DTD1: variants seen among roughly 807,000 people sequenced by gnomAD.
DTD1 encodes the protein D-tyrosyl-tRNA deacylase 1 homolog.
In DTD1, 13 loss-of-function variants were observed where a neutral mutation model predicts 25.6. That is an observed-to-expected ratio of 0.51 (90% CI 0.33 to 0.81). The LOEUF (loss-of-function observed/expected upper bound fraction) is 0.81. Ranked by LOEUF, DTD1 falls within the 30% of genes least tolerant of loss-of-function variation. DTD1 has a pLI of 0.02. For synonymous variants in DTD1, 110 were observed against 103.6 expected (o/e 1.06, Z -0.37); for missense variants, 193 against 266.4 (o/e 0.72, Z 1.92).
intron 5 of DTD1, among the ~76,000 whole-genome samples, chr20:18,759,631 T>C (rs1396140731): frequency 5.3e-5 from 8 of 152,234 alleles, no homozygotes; most frequent in African/African-American, 1.9e-4. Context: ...CTTCCCTTTG[T>C]GGGTAACCCA....
intron 4 of DTD1, among the ~76,000 whole-genome samples, chr20:18,723,140 T>C (rs1310249744): frequency 1.3e-5 from 2 of 152,212 alleles, no homozygotes. Context: ...GGGGCTGTCC[T>C]GTGCGTTGTT....
intron 4 of DTD1, among the ~76,000 whole-genome samples, chr20:18,728,317 GA>G (rs1170250602): frequency 1.3e-5 from 2 of 152,352 alleles, no homozygotes; most frequent in East Asian, 3.9e-4. Flanking sequence ...CTGGCTGGGG[GA>G]TGGGAGTCAG....
Position 18,606,371 on chromosome 20 carries a change from G to A in DTD1, c.370+10130G>A, listed in dbSNP as rs1183032056. 4.4e-5 allele frequency among the ~76,000 whole-genome samples: 6 copies of A among 135,548 alleles called. 1 individual carries two copies. The highest frequency in any genetic ancestry group is 1.7e-4 in the African/African-American group (6 of 36,258). The allele number at this position is 135,548 out of a possible 152,430, so 88.9% of individuals were successfully genotyped here. On this transcript the variant is annotated intron_variant, in intron 3 of 5. Transcript: ENST00000377452. Reference sequence around the variant, plus strand: ...CAACCGTTGTGGAAGTCAGTGTGGCGATTCCTCAGGGATCTAGAACTAGAA... The same window carrying A: ...CAACCGTTGTGGAAGTCAGTGTGGCAATTCCTCAGGGATCTAGAACTAGAA...
chr20:18,687,610 A>T (rs775281444), intron 4 of DTD1, among the ~76,000 whole-genome samples: 9 of 152,102 alleles, frequency 5.9e-5, no homozygotes, highest in Non-Finnish European at 1.0e-4. Flanking sequence ...GCTGGAGTAC[A>T]ATGGCATAAG....
At chr20:18,595,978 T>TTGTG in intron 2 of DTD1, 28 bp from the exon 3 acceptor site, 1 of 1,599,128 alleles carries the variant, frequency 6.3e-7, no homozygotes, top group Non-Finnish European at 8.6e-7. Flanking sequence ...ATCTCTCAGG[T>TTGTG]AGCTCTCACT....
chr20:18,617,817 T>TA (rs943215627), intron 3 of DTD1, among the ~76,000 whole-genome samples: 2 of 151,718 alleles, frequency 1.3e-5, no homozygotes, highest in African/African-American at 4.8e-5. Flanking sequence ...ATCTTGGCTT[T>TA]AAAAAAAAAT....
In DTD1 at chr20:18,711,945, T is replaced by C. The variant is rs968229620; in HGVS notation, c.478-32155T>C. On this transcript the variant is annotated intron_variant, in intron 4 of 5. Transcript: ENST00000377452. Reference sequence around the variant, plus strand: ...TGCCGGGGGTCGGGGGGCACGTGCCTGTAATCCCAGCTACATGGGAGGCTG... The same window carrying C: ...TGCCGGGGGTCGGGGGGCACGTGCCCGTAATCCCAGCTACATGGGAGGCTG... 2.6e-5 allele frequency among the ~76,000 whole-genome samples: 4 copies of C among 151,886 alleles called. No homozygotes were observed. In the East Asian group the frequency reaches 7.9e-4, roughly 30 times the overall value.
At chr20:18,670,833 G>A (rs537365222) in intron 4 of DTD1, among the ~76,000 whole-genome samples, 2 of 152,308 alleles carry the variant, frequency 1.3e-5, no homozygotes, top group East Asian at 3.9e-4. Flanking sequence ...TGAAAACATT[G>A]TCATCATCAT....
At chr20:18,705,961 G>A (rs2061124899) in intron 4 of DTD1, among the ~76,000 whole-genome samples, 1 of 152,178 alleles carries the variant, frequency 6.6e-6, no homozygotes, top group Non-Finnish European at 1.5e-5. Flanking sequence ...GACTGATCAA[G>A]CCTTTAGCTA....
intron 4 of DTD1, among the ~76,000 whole-genome samples, chr20:18,738,337 T>C (rs1358990475): frequency 6.6e-6 from 1 of 152,124 alleles, no homozygotes; most frequent in African/African-American, 2.4e-5. Context: ...TCCATGGGCA[T>C]GTGGTGTAAG....
chr20:18,632,296 C>T, intron 4 of DTD1: 1 of 985,452 alleles, frequency 1.0e-6, no homozygotes, highest in South Asian at 4.7e-5. Context: ...CACAAATTGT[C>T]TTGCATCAAC....
intron 4 of DTD1, among the ~76,000 whole-genome samples, chr20:18,740,366 T>A (rs1479381812): frequency 6.6e-6 from 1 of 152,284 alleles, no homozygotes; most frequent in East Asian, 1.9e-4. Flanking sequence ...GAAACAAAAC[T>A]GAGAGGGCAT....
chr20:18,668,077 C>T (rs1485067378), intron 4 of DTD1, among the ~76,000 whole-genome samples: 2 of 152,208 alleles, frequency 1.3e-5, no homozygotes, highest in African/African-American at 4.8e-5. Context: ...TTTAACATAG[C>T]TTCCTGAAGG....
chr20:18,599,287 G>C (rs930304941), intron 3 of DTD1, among the ~76,000 whole-genome samples: 49 of 152,080 alleles, frequency 3.2e-4, no homozygotes, highest in Non-Finnish European at 2.9e-5. Flanking sequence ...CGATTCTCCT[G>C]CCTCAGCCTT....
At chr20:18,588,646 C>G (rs2060576127) in intron 1 of DTD1, 2 of 756,670 alleles carry the variant, frequency 2.6e-6, no homozygotes, top group Non-Finnish European at 3.2e-6. Flanking sequence ...CGTGCACGTA[C>G]GTGACTGGAG....
At chr20:18,708,309 T>TTA (rs1334556375) in intron 4 of DTD1, among the ~76,000 whole-genome samples, 4 of 44,112 alleles carry the variant, frequency 9.1e-5, no homozygotes, top group Non-Finnish European at 1.3e-4. Flanking sequence ...TATATATATT[T>TTA]TATATATATA....
chr20:18,655,012 A>G (rs1434557131), intron 4 of DTD1, among the ~76,000 whole-genome samples: 1 of 152,204 alleles, frequency 6.6e-6, no homozygotes, highest in Admixed American at 6.5e-5. Context: ...ATGCTTATGT[A>G]TTTCATTTTA....
intron 4 of DTD1, among the ~76,000 whole-genome samples, chr20:18,649,917 C>T (rs192566238): frequency 2.8e-3 from 422 of 152,270 alleles, no homozygotes; most frequent in Non-Finnish European, 4.2e-3. Flanking sequence ...AACACACATT[C>T]GAAGGTAAAA....
At chr20:18,666,634 C>T (rs2060932387) in intron 4 of DTD1, among the ~76,000 whole-genome samples, 1 of 152,018 alleles carries the variant, frequency 6.6e-6, no homozygotes, top group African/African-American at 2.4e-5. Context: ...TGTCTCTTTC[C>T]CTTGATGTTT....
Sources: gnomAD v4.1 joint callset for allele counts (sites outside exome capture counted in the v4.1 genomes callset) on GRCh38, gnomAD v4.1.1 for gene constraint, MANE v1.5 for transcripts, NCBI Gene and HGNC (gene_info 2026-07-23, HGNC 2026-07-21) for gene names.